ADIPOR2: variants seen among roughly 807,000 people sequenced by gnomAD.
The protein encoded by ADIPOR2 is adiponectin receptor 2.
Under a neutral mutation model 40.9 loss-of-function variants are expected in ADIPOR2, and 18 were observed. The ratio of observed to expected loss-of-function variants is 0.44; its 90% CI spans 0.30 to 0.65. ADIPOR2 has a LOEUF of 0.65. Ranked by LOEUF, ADIPOR2 falls within the 30% of genes least tolerant of loss-of-function variation. The pLI is 0.09. For synonymous variants in ADIPOR2, 165 were observed against 166.4 expected (o/e 0.99, Z 0.06); for missense variants, 283 against 479.2 (o/e 0.59, Z 3.82).
intron 2 of ADIPOR2, among the ~76,000 whole-genome samples, chr12:1,756,932 G>A (rs1862145022): frequency 6.6e-6 from 1 of 152,054 alleles, no homozygotes; most frequent in African/African-American, 2.4e-5. Context: ...GGGAAGAGCG[G>A]GTTTAAGGTA....
At chr12:1,752,982 T>C (rs1862034126) in intron 1 of ADIPOR2, among the ~76,000 whole-genome samples, 1 of 152,216 alleles carries the variant, frequency 6.6e-6, no homozygotes, top group Non-Finnish European at 1.5e-5. Flanking sequence ...CTTCTTGCCC[T>C]ACATACTTCG....
intron 2 of ADIPOR2, among the ~76,000 whole-genome samples, chr12:1,756,408 G>T (rs7978362): frequency 6.6e-6 from 1 of 150,664 alleles, no homozygotes; most frequent in African/African-American, 2.4e-5. Context: ...CCTTGGCCCC[G>T]CAAATTGCTG....
chr12:1,735,804 A>G (rs1306561727), intron 1 of ADIPOR2, among the ~76,000 whole-genome samples: 1 of 152,190 alleles, frequency 6.6e-6, no homozygotes. Flanking sequence ...TTTAGCATGA[A>G]GCATTGTTGA....
intron 1 of ADIPOR2, among the ~76,000 whole-genome samples, chr12:1,749,274 G>A (rs557660282): frequency 6.6e-6 from 1 of 152,220 alleles, no homozygotes; most frequent in East Asian, 1.9e-4. Flanking sequence ...TTTTATGGAA[G>A]CTTCATGACA....
chr12:1,780,383 G>T, intron 4 of ADIPOR2, 68 bp from the exon 5 acceptor site: 5 of 1,363,828 alleles, frequency 3.7e-6, no homozygotes, highest in Non-Finnish European at 3.9e-6. Flanking sequence ...ATTGAAAACA[G>T]AATCAGTTAT....
intron 5 of ADIPOR2, 58 bp from the exon 6 acceptor site, chr12:1,780,831 G>A: frequency 6.8e-7 from 1 of 1,472,162 alleles, no homozygotes; most frequent in Non-Finnish European, 9.1e-7. Context: ...ATTGGAACCT[G>A]TAGTGGCCAG....
At chr12:1,703,888 TAGTTTTGTGAGG>T (rs1405443647) in intron 1 of ADIPOR2, among the ~76,000 whole-genome samples, 1 of 151,938 alleles carries the variant, frequency 6.6e-6, no homozygotes, top group Non-Finnish European at 1.5e-5. Flanking sequence ...TAATTTAATT[TAGTTTTGTGAGG>T]ACAGGATCTC....
intron 1 of ADIPOR2, among the ~76,000 whole-genome samples, chr12:1,731,410 T>C (rs1049817983): frequency 6.6e-5 from 10 of 152,188 alleles, no homozygotes; most frequent in Non-Finnish European, 1.2e-4. Context: ...TCAGTGGCAT[T>C]AGGTATATTC....
At chr12:1,737,897 C>T (rs183431794) in intron 1 of ADIPOR2, among the ~76,000 whole-genome samples, 52 of 152,208 alleles carry the variant, frequency 3.4e-4, no homozygotes, top group African/African-American at 1.2e-3. Context: ...CATATTCATG[C>T]TTCCAATTTA....
At chr12:1,714,749 A>G (rs561240930) in intron 1 of ADIPOR2, among the ~76,000 whole-genome samples, 261 of 152,244 alleles carry the variant, frequency 1.7e-3, no homozygotes, top group South Asian at 9.7e-3. Flanking sequence ...CGTGACTGAG[A>G]TGCCAGGTAT....
At chr12:1,736,990 G>A (rs969539711) in intron 1 of ADIPOR2, among the ~76,000 whole-genome samples, 4 of 152,150 alleles carry the variant, frequency 2.6e-5, no homozygotes, top group African/African-American at 9.7e-5. Context: ...CAGGCATTAT[G>A]GCTGAGTGAA....
At chr12:1,757,661 C>T (rs1196877441) in intron 2 of ADIPOR2, 3 of 1,292,218 alleles carry the variant, frequency 2.3e-6, no homozygotes, top group Non-Finnish European at 3.4e-6. Context: ...TTGTATTTGG[C>T]CTCCTCAGGT....
chr12:1,761,143 G>GA (rs1212163753), intron 2 of ADIPOR2, among the ~76,000 whole-genome samples: 1 of 151,858 alleles, frequency 6.6e-6, no homozygotes, highest in East Asian at 1.9e-4. Flanking sequence ...GTATATATAG[G>GA]AAAAAACACA....
rs371027078 is a variant in ADIPOR2, at chr12:1,754,066, GTCTTGTATCC to G, written c.-86-190_-86-181del. Among the ~76,000 whole-genome samples the G allele has an allele frequency of 2.9e-3, 439 of 152,148 alleles. 3 individuals are homozygous for G. Among genetic ancestry groups the G allele is most frequent in the African/African-American group, 9.9e-3 (412 of 41,508 alleles). ...TAAGTGGGAACATATTATTCATGTTGTCTTGTATCCTGTGTTTTTCATTTAAAAAGAGATT... is the reference window on the plus strand; with the variant it reads ...TAAGTGGGAACATATTATTCATGTTGTGTGTTTTTCATTTAAAAAGAGATT... On this transcript the variant is annotated intron_variant, in intron 1 of 7. Coordinates refer to ENST00000357103, the MANE Select transcript of ADIPOR2 (RefSeq NM_024551.3).
In ADIPOR2 at chr12:1,788,309, G is replaced by C. The variant is rs1031080575; in HGVS notation, c.*2237G>C. 1 of 152,668 alleles carries C rather than the reference G, an allele frequency of 6.6e-6. No homozygotes were observed. Among genetic ancestry groups the C allele is most frequent in the African/African-American group, 2.4e-5 (1 of 41,454 alleles). The allele number at this position is 152,668 out of a possible 1,614,324, so 9.5% of individuals were successfully genotyped here. On this transcript the variant is annotated 3_prime_UTR_variant, in exon 8 of 8. Coordinates refer to ENST00000357103, the MANE Select transcript of ADIPOR2 (RefSeq NM_024551.3). ...ATTTCTATGTGTGTGTCTACGTGCA[G>C]CTCACTACCAACAGCCTCATGTGCA...
At chr12:1,742,525 G>C (rs989073433) in intron 1 of ADIPOR2, among the ~76,000 whole-genome samples, 4 of 152,214 alleles carry the variant, frequency 2.6e-5, no homozygotes, top group African/African-American at 9.7e-5. Flanking sequence ...GTTCTGAGTA[G>C]AATACAGTCA....
In ADIPOR2 at chr12:1,740,928, G is replaced by C. The variant is rs1238775895; in HGVS notation, c.-86-13330G>C. ...ATTAGTGTGACGGGTCGTCAGGTAG[G>C]GGCTTCCTGAAAAGGTGACCTTTTA... is the stretch of plus-strand genomic sequence containing the variant. On this transcript the variant is annotated intron_variant, in intron 1 of 7. Coordinates refer to ENST00000357103, the MANE Select transcript of ADIPOR2 (RefSeq NM_024551.3). Among the ~76,000 whole-genome samples, 4 of 152,326 alleles carry C rather than the reference G, an allele frequency of 2.6e-5. No individual in the cohort carries two copies. The East Asian group carries it at 7.7e-4, about 29-fold the overall frequency.
chr12:1,704,861 T>G (rs116841514), intron 1 of ADIPOR2, among the ~76,000 whole-genome samples: 2,284 of 152,292 alleles, frequency 0.015, 23 homozygotes, highest in Middle Eastern at 0.054. Flanking sequence ...TTTCTCATAC[T>G]GGTGGTCAGA....
chr12:1,768,801 A>G (rs1010175178), intron 2 of ADIPOR2, among the ~76,000 whole-genome samples: 32 of 152,300 alleles, frequency 2.1e-4, no homozygotes, highest in Middle Eastern at 3.4e-3. Context: ...GTTCTCACAG[A>G]TGGACTTTAC....
Sources: gnomAD v4.1 joint callset for allele counts (sites outside exome capture counted in the v4.1 genomes callset) on GRCh38, gnomAD v4.1.1 for gene constraint, MANE v1.5 for transcripts, NCBI Gene and HGNC (gene_info 2026-07-23, HGNC 2026-07-21) for gene names.